The following SLC15A1 variants were observed in gnomAD, a reference collection of about 807,000 sequenced individuals.
SLC15A1 encodes solute carrier family 15 member 1, also known as Caco-2 oligopeptide transporter.
A neutral mutation model predicts 92.9 loss-of-function variants in SLC15A1; 83 were observed. That is an observed-to-expected ratio of 0.89 (90% CI 0.75 to 1.07). The LOEUF is 1.07. Among genes scored for constraint, SLC15A1 ranks in the 50% least tolerant of loss-of-function variants. The pLI, the probability that SLC15A1 is intolerant of heterozygous loss-of-function variation, is 0.00. For synonymous variants in SLC15A1, 322 were observed against 318.2 expected (o/e 1.01, Z -0.13); for missense variants, 857 against 880.1 (o/e 0.97, Z 0.33).
intron 1 of SLC15A1, among the ~76,000 whole-genome samples, chr13:98,737,824 G>C (rs1271702193): frequency 3.3e-5 from 5 of 152,198 alleles, no homozygotes; most frequent in Non-Finnish European, 7.3e-5. Context: ...GAAGAATGTG[G>C]AGGGCTCAGA....
rs549736379 is a variant in SLC15A1, at chr13:98,697,284, G to A, written c.1466+5196C>T. Among the ~76,000 whole-genome samples, 4 of 152,200 alleles carry A rather than the reference G, an allele frequency of 2.6e-5. No individual in the cohort carries two copies. The South Asian group carries it at 8.3e-4, about 32-fold the overall frequency. On this transcript the variant is annotated intron_variant, in intron 18 of 22. Transcript: ENST00000376503. Reference sequence around the variant, plus strand: ...TTGGCCAGGCTGATCTTGAACTCCCGACCTCCTGATCTGCCTGCCTCGCCT... The same window carrying A: ...TTGGCCAGGCTGATCTTGAACTCCCAACCTCCTGATCTGCCTGCCTCGCCT...
At chr13:98,685,630 C>A (rs1373147128) in intron 22 of SLC15A1, among the ~76,000 whole-genome samples, 1 of 152,192 alleles carries the variant, frequency 6.6e-6, no homozygotes, top group Non-Finnish European at 1.5e-5. Context: ...ATAAGGGCAA[C>A]TTCAAGTTAA....
rs763556933 is a variant in SLC15A1, at chr13:98,708,680, A to G, written c.1149+6T>C. 1 of 1,611,848 alleles carries G rather than the reference A, an allele frequency of 6.2e-7. No homozygotes were observed. On this transcript the variant is annotated splice_donor_region_variant and intron_variant, in intron 15 of 22. Coordinates refer to ENST00000376503, the MANE Select transcript of SLC15A1 (RefSeq NM_005073.4). ...AAGGACATGGGAGAACCAGGGGACAACTCACATCGATTTCCACCTGCACGA... is the reference window on the plus strand; with the variant it reads ...AAGGACATGGGAGAACCAGGGGACAGCTCACATCGATTTCCACCTGCACGA...
In SLC15A1 at chr13:98,741,723, CAA is replaced by C. The variant is rs61421254; in HGVS notation, c.4+10870_4+10871del. On this transcript the variant is annotated intron_variant, in intron 1 of 22. Coordinates refer to ENST00000376503, the MANE Select transcript of SLC15A1 (RefSeq NM_005073.4). Reference sequence around the variant, plus strand: ...TGGGTGACAGAGGGAGACTCCGTCTCAAAAAAAAAAAAAAAAAAAAAGGCCTC... The same window carrying C: ...TGGGTGACAGAGGGAGACTCCGTCTCAAAAAAAAAAAAAAAAAAAGGCCTC... Among the ~76,000 whole-genome samples the C allele has an allele frequency of 7.2e-3, 586 of 81,834 alleles. 3 individuals are homozygous for C. Among genetic ancestry groups the C allele is most frequent in the African/African-American group, 0.027 (483 of 18,194 alleles). The allele number at this position is 81,834 out of a possible 152,430, so 53.7% of individuals were successfully genotyped here. A position where few individuals can be genotyped will look rare whatever the true frequency, so the allele number is the denominator to read the frequency against.
At chr13:98,710,808 C>CAAAAAAAA (rs4646225) in intron 11 of SLC15A1, among the ~76,000 whole-genome samples, 2 of 71,662 alleles carry the variant, frequency 2.8e-5, no homozygotes, top group African/African-American at 5.6e-5. Flanking sequence ...ACTCTTGACT[C>CAAAAAAAA]AAAAAAAAAA....
intron 18 of SLC15A1, among the ~76,000 whole-genome samples, chr13:98,693,793 G>A (rs1018707242): frequency 3.3e-5 from 5 of 152,014 alleles, no homozygotes; most frequent in African/African-American, 1.2e-4. Context: ...CATTGTTTTG[G>A]TTATGTGAAA....
At chr13:98,734,936 C>T (rs1241156214) in intron 1 of SLC15A1, among the ~76,000 whole-genome samples, 8 of 152,202 alleles carry the variant, frequency 5.3e-5, no homozygotes, top group Admixed American at 3.9e-4. Flanking sequence ...CCTTCTGAAA[C>T]TATTCCAATC....
At chr13:98,709,795 T>A (rs754885105) in intron 12 of SLC15A1, 21 bp from the exon 13 acceptor site, 9 of 1,613,922 alleles carry the variant, frequency 5.6e-6, no homozygotes, top group Admixed American at 1.7e-5. Flanking sequence ...AGGAAAACAA[T>A]CTCAGTGAAA....
In SLC15A1 at chr13:98,726,180, C is replaced by T. The variant is rs766033049; in HGVS notation, c.188G>A (p.Cys63Tyr). The change falls in exon 4 of 23, where the codon TGC (cysteine) becomes TAC (tyrosine). Residue 63 changes from cysteine (C) to tyrosine (Y), a missense_variant. By Grantham distance (194) the Cys-to-Tyr change is radical. Transcript: ENST00000376503. ...AGCTCCGAGAATTGGCGTCAGGTAG[C>T]ACAGAGCCACAAACGTATGGTAGAT... Reference protein sequence around the residue: ...TAIYHTFVALCYLTPILGALI... With the variant: ...TAIYHTFVALYYLTPILGALI... 5.6e-6 allele frequency: 9 copies of T among 1,613,982 alleles called. No individual in the cohort carries two copies. The highest frequency in any genetic ancestry group is 1.7e-5 in the Admixed American group (1 of 59,988).
At chr13:98,750,345 T>A (rs1402559740) in intron 1 of SLC15A1, among the ~76,000 whole-genome samples, 1 of 152,152 alleles carries the variant, frequency 6.6e-6, no homozygotes, top group Non-Finnish European at 1.5e-5. Context: ...TCTCTTGAAC[T>A]TATGATCCGC....
chr13:98,701,479 A>G (rs1291486912), intron 18 of SLC15A1, among the ~76,000 whole-genome samples: 1 of 151,688 alleles, frequency 6.6e-6, no homozygotes, highest in African/African-American at 2.4e-5. Context: ...TCTATAAAGT[A>G]GAAATTTATT....
At chr13:98,750,441 G>A (rs567017849) in intron 1 of SLC15A1, among the ~76,000 whole-genome samples, 10 of 152,100 alleles carry the variant, frequency 6.6e-5, no homozygotes, top group East Asian at 1.9e-4. Flanking sequence ...TCTGTTAACT[G>A]TTGTGGATTC....
rs368003338 is a variant in SLC15A1, at chr13:98,708,266, A to T, written c.1149+420T>A. ...GTTTAGCCCACTGCGAGTCCAATAGATGTGTGGATTAACTGAGAAACCAAT... is the reference window on the plus strand; with the variant it reads ...GTTTAGCCCACTGCGAGTCCAATAGTTGTGTGGATTAACTGAGAAACCAAT... On this transcript the variant is annotated intron_variant, in intron 15 of 22. Coordinates refer to ENST00000376503, the MANE Select transcript of SLC15A1 (RefSeq NM_005073.4). Among the ~76,000 whole-genome samples the T allele has an allele frequency of 3.3e-5, 5 of 152,260 alleles. No homozygotes were observed. The East Asian group carries it at 9.6e-4, about 29-fold the overall frequency.
At chr13:98,741,391 T>G (rs1341404262) in intron 1 of SLC15A1, among the ~76,000 whole-genome samples, 1 of 152,124 alleles carries the variant, frequency 6.6e-6, no homozygotes, top group Non-Finnish European at 1.5e-5. Flanking sequence ...GGCGGAGGGA[T>G]CACTTGAGTC....
Position 98,696,051 on chromosome 13 carries a change from T to C in SLC15A1, c.1466+6429A>G, listed in dbSNP as rs544113344. ...TTCATCTTTTACCACATGGGTGGGG[T>C]AGTCAAGTGTTGCTAATCTCGTGGG... On this transcript the variant is annotated intron_variant, in intron 18 of 22. Transcript: ENST00000376503. Among the ~76,000 whole-genome samples, 4 of 151,770 alleles carry C rather than the reference T, an allele frequency of 2.6e-5. No individual in the cohort carries two copies. The South Asian group carries it at 8.4e-4, about 32-fold the overall frequency.
At chr13:98,696,125 G>A (rs1477120132) in intron 18 of SLC15A1, among the ~76,000 whole-genome samples, 5 of 151,602 alleles carry the variant, frequency 3.3e-5, no homozygotes, top group Non-Finnish European at 7.4e-5. Flanking sequence ...TTTAAATGGA[G>A]CTTTGGGACT....
At chr13:98,688,043 T>C (rs115424115) in intron 20 of SLC15A1, among the ~76,000 whole-genome samples, 2,544 of 152,324 alleles carry the variant, frequency 0.017, 81 homozygotes, top group African/African-American at 0.058. Flanking sequence ...TAAATTATTA[T>C]CCAGGGGAAG....
chr13:98,746,096 C>A (rs557717530), intron 1 of SLC15A1, among the ~76,000 whole-genome samples: 1 of 152,104 alleles, frequency 6.6e-6, no homozygotes, highest in Non-Finnish European at 1.5e-5. Flanking sequence ...CTCATCATTT[C>A]GCTGCTGCTT....
At chr13:98,713,224 T>C (rs927434173) in intron 9 of SLC15A1, among the ~76,000 whole-genome samples, 1 of 151,752 alleles carries the variant, frequency 6.6e-6, no homozygotes, top group African/African-American at 2.4e-5. Flanking sequence ...GCCTGGCTAA[T>C]GTTTTAATTT....
Sources: gnomAD v4.1 joint callset for allele counts (sites outside exome capture counted in the v4.1 genomes callset) on GRCh38, gnomAD v4.1.1 for gene constraint, MANE v1.5 for transcripts, NCBI Gene and HGNC (gene_info 2026-07-23, HGNC 2026-07-21) for gene names.